Variants in ANO10 observed in about 807,000 individuals in gnomAD.
ANO10 encodes the protein anoctamin-10.
In ANO10, 77 loss-of-function variants were observed where a neutral mutation model predicts 74.7. That is an observed-to-expected ratio of 1.03 (90% CI 0.86 to 1.25). ANO10 has a LOEUF of 1.25. ANO10 is among the 50% of genes most tolerant of loss of function. ANO10 has a pLI of 0.00. For synonymous variants in ANO10, 279 were observed against 284.9 expected (o/e 0.98, Z 0.21); for missense variants, 721 against 778.1 (o/e 0.93, Z 0.87).
At chr3:43,612,143 TA>T (rs1559780593) in intron 1 of ANO10, among the ~76,000 whole-genome samples, 201 of 14,462 alleles carry the variant, frequency 0.014, no homozygotes, top group African/African-American at 0.081. Context: ...AAATATTTTA[TA>T]TATATATATA....
At chr3:43,665,795 T>C (rs1004059322) in intron 1 of ANO10, among the ~76,000 whole-genome samples, 1 of 152,196 alleles carries the variant, frequency 6.6e-6, no homozygotes, top group Non-Finnish European at 1.5e-5. Context: ...CAACCAGTTA[T>C]TTGTGAGTGA....
chr3:43,376,876 T>C (rs2091823746), intron 12 of ANO10, among the ~76,000 whole-genome samples: 1 of 152,156 alleles, frequency 6.6e-6, no homozygotes, highest in South Asian at 2.1e-4. Flanking sequence ...TCTGCTGTAA[T>C]ATGGCAGTGA....
intron 11 of ANO10, among the ~76,000 whole-genome samples, chr3:43,547,351 G>A (rs1055652511): frequency 6.6e-6 from 1 of 152,130 alleles, no homozygotes; most frequent in Admixed American, 6.5e-5. Flanking sequence ...CCAGAACAAA[G>A]TTATCACAAA....
chr3:43,600,417 A>G lies in ANO10; in HGVS notation c.304T>C (p.Tyr102His). 1 of 1,614,100 alleles carries G rather than the reference A, an allele frequency of 6.2e-7. No homozygotes were observed. Among genetic ancestry groups the G allele is most frequent in the South Asian group, 1.1e-5 (1 of 91,082 alleles). ...CNDNTMRAFT[Y>H]RTRQNFKGFD... ...CCTTTGAAGTTCTGTCTGGTTCTGT[A>G]TGTGAAGGCTCTCATGGTGTTATCA... is the stretch of plus-strand genomic sequence containing the variant. Residue 102 changes from tyrosine (Y) to histidine (H), a missense_variant, in exon 3 of 13, where the codon TAC becomes CAC. Tyr to His is a moderately conservative substitution (Grantham distance 83). Transcript: ENST00000292246.
At chr3:43,677,186 G>A (rs2084134268) in intron 1 of ANO10, among the ~76,000 whole-genome samples, 2 of 152,192 alleles carry the variant, frequency 1.3e-5, no homozygotes, top group Admixed American at 1.3e-4. Context: ...GTCCCTTGCA[G>A]CAGCATGGAT....
intron 1 of ANO10, chr3:43,691,029 A>ACCGGAGAGAGGTAAGCGCAG: frequency 6.4e-7 from 1 of 1,561,160 alleles, no homozygotes; most frequent in East Asian, 2.6e-5. Context: ...CTCTGCCGAC[A>ACCGGAGAGAGGTAAGCGCAG]CCGGAGAGAG....
intron 12 of ANO10, among the ~76,000 whole-genome samples, chr3:43,418,382 G>C (rs894342730): frequency 9.2e-5 from 14 of 152,344 alleles, no homozygotes; most frequent in Middle Eastern, 3.4e-3. Context: ...GTAGCTAAGA[G>C]AACATGGGAC....
At chr3:43,615,238 T>C (rs2149526319) in intron 1 of ANO10, among the ~76,000 whole-genome samples, 1 of 152,124 alleles carries the variant, frequency 6.6e-6, no homozygotes, top group South Asian at 2.1e-4. Flanking sequence ...AGAGAAAACT[T>C]AGGTGAAAGA....
intron 12 of ANO10, among the ~76,000 whole-genome samples, chr3:43,371,242 C>T (rs1026440878): frequency 3.3e-5 from 5 of 152,232 alleles, no homozygotes; most frequent in Non-Finnish European, 5.9e-5. Flanking sequence ...AAATCCCATG[C>T]GTCATCAGTT....
Position 43,588,387 on chromosome 3 carries a change from T to C in ANO10, c.473-7915A>G, listed in dbSNP as rs189031461. Among the ~76,000 whole-genome samples the C allele has an allele frequency of 7.6e-4, 116 of 152,184 alleles. 1 individual carries two copies. The highest frequency in any genetic ancestry group is 2.7e-3 in the African/African-American group (111 of 41,544). ...TCATGATTTTCAAAAATATATATCCTAGCCTTTTCCATTGAAATGGGAAAA... is the reference window on the plus strand; with the variant it reads ...TCATGATTTTCAAAAATATATATCCCAGCCTTTTCCATTGAAATGGGAAAA... On this transcript the variant is annotated intron_variant, in intron 4 of 12. Coordinates refer to ENST00000292246, the MANE Select transcript of ANO10 (RefSeq NM_018075.5).
chr3:43,401,425 A>C (rs2092479988), intron 12 of ANO10, among the ~76,000 whole-genome samples: 1 of 152,210 alleles, frequency 6.6e-6, no homozygotes, highest in African/African-American at 2.4e-5. Flanking sequence ...AAACGCCATA[A>C]AAATATGCTA....
At chr3:43,590,334 G>A (rs950783446) in intron 4 of ANO10, among the ~76,000 whole-genome samples, 12 of 152,122 alleles carry the variant, frequency 7.9e-5, no homozygotes, top group Non-Finnish European at 1.5e-4. Flanking sequence ...CAAGAAGGTC[G>A]AGAAAGATTA....
At chr3:43,510,767 C>CA (rs896276778) in intron 11 of ANO10, among the ~76,000 whole-genome samples, 25 of 152,176 alleles carry the variant, frequency 1.6e-4, no homozygotes, top group African/African-American at 5.8e-4. Flanking sequence ...GCTTGGCAGC[C>CA]AAAAAATGCA....
chr3:43,458,259 T>C (rs1282750589), intron 11 of ANO10, among the ~76,000 whole-genome samples: 1 of 152,174 alleles, frequency 6.6e-6, no homozygotes. Context: ...GAGACCACTG[T>C]GCAATAAGAT....
chr3:43,505,917 T>A (rs2077277136), intron 11 of ANO10, among the ~76,000 whole-genome samples: 1 of 152,212 alleles, frequency 6.6e-6, no homozygotes, highest in African/African-American at 2.4e-5. Context: ...GAGAGACATG[T>A]GCCTTGTTTC....
chr3:43,538,075 C>CA (rs1165512652), intron 11 of ANO10, among the ~76,000 whole-genome samples: 1 of 151,968 alleles, frequency 6.6e-6, no homozygotes, highest in Non-Finnish European at 1.5e-5. Context: ...TCACCAAACC[C>CA]AAAATACATA....
intron 7 of ANO10, among the ~76,000 whole-genome samples, chr3:43,567,486 C>T (rs1478011042): frequency 8.5e-5 from 13 of 152,068 alleles, no homozygotes; most frequent in African/African-American, 1.7e-4. Flanking sequence ...GCAGATCTCT[C>T]GGCAGAAACT....
At chr3:43,388,261 T>C (rs1448110604) in intron 12 of ANO10, among the ~76,000 whole-genome samples, 1 of 152,136 alleles carries the variant, frequency 6.6e-6, no homozygotes, top group Non-Finnish European at 1.5e-5. Context: ...CTGTGGTGTG[T>C]GTGTCGGCAT....
At chr3:43,637,236 G>A (rs556609023) in intron 1 of ANO10, among the ~76,000 whole-genome samples, 47 of 152,120 alleles carry the variant, frequency 3.1e-4, no homozygotes, top group African/African-American at 1.0e-3. Flanking sequence ...GGGAGGCCAA[G>A]GTGGGCAGAT....
Sources: gnomAD v4.1 joint callset for allele counts (sites outside exome capture counted in the v4.1 genomes callset) on GRCh38, gnomAD v4.1.1 for gene constraint, MANE v1.5 for transcripts, NCBI Gene and HGNC (gene_info 2026-07-23, HGNC 2026-07-21) for gene names.